The following IL23R variants were observed in gnomAD, a reference collection of about 807,000 sequenced individuals.
IL23R encodes the protein interleukin-23 receptor.
Under a neutral mutation model 56.9 loss-of-function variants are expected in IL23R, and 34 were observed. The ratio of observed to expected loss-of-function variants is 0.60; its 90% confidence interval spans 0.45 to 0.80. The LOEUF is 0.80. Among genes scored for constraint, IL23R ranks in the 30% least tolerant of loss-of-function variants. The pLI is 0.00. For synonymous variants in IL23R, 230 were observed against 249.2 expected, an observed-to-expected ratio of 0.92 and a Z score of 0.73; for missense variants, 635 against 730.0, an observed-to-expected ratio of 0.87 and a Z score of 1.50.
intron 4 of IL23R, among the ~76,000 whole-genome samples, chr1:67,196,478 T>A (rs553123675): frequency 3.9e-5 from 6 of 152,314 alleles, no homozygotes; most frequent in African/African-American, 1.4e-4. Context: ...AAGTCAAGGC[T>A]GCAGTGAGTT....
intron 9 of IL23R, among the ~76,000 whole-genome samples, chr1:67,240,545 T>C (rs1651779930): frequency 6.6e-6 from 1 of 152,180 alleles, no homozygotes; most frequent in South Asian, 2.1e-4. Flanking sequence ...AGAGGCTAAG[T>C]CCTCAGCCCA....
chr1:67,175,521 A>C (rs981281115), intron 3 of IL23R, among the ~76,000 whole-genome samples: 8 of 152,182 alleles, frequency 5.3e-5, no homozygotes, highest in Admixed American at 5.2e-4. Flanking sequence ...AAGCCCCAGC[A>C]ACTGCCATTC....
At chr1:67,157,900 G>A (rs1369303048) in intron 1 of IL23R, among the ~76,000 whole-genome samples, 2 of 152,152 alleles carry the variant, frequency 1.3e-5, no homozygotes, top group Admixed American at 6.5e-5. Context: ...AATAATTATT[G>A]GAACATATTA....
intron 6 of IL23R, among the ~76,000 whole-genome samples, chr1:67,208,523 G>A (rs1649237042): frequency 6.6e-6 from 1 of 152,214 alleles, no homozygotes; most frequent in Admixed American, 6.5e-5. Context: ...GGCTCAAAGG[G>A]CCAACATCCA....
At chr1:67,197,805 G>T (rs1188824813) in intron 4 of IL23R, among the ~76,000 whole-genome samples, 1 of 152,042 alleles carries the variant, frequency 6.6e-6, no homozygotes, top group East Asian at 1.9e-4. Flanking sequence ...GAGTGGTGGT[G>T]CATGCCTGTA....
chr1:67,212,913 GCC>G (rs1649590606), intron 6 of IL23R, among the ~76,000 whole-genome samples: 1 of 151,046 alleles, frequency 6.6e-6, no homozygotes, highest in Admixed American at 6.6e-5. Context: ...TCACTGTGTT[GCC>G]CAGGCTGGAG....
At chr1:67,188,412 C>G (rs1647504704) in intron 4 of IL23R, among the ~76,000 whole-genome samples, 1 of 152,196 alleles carries the variant, frequency 6.6e-6, no homozygotes, top group South Asian at 2.1e-4. Context: ...GAGTTGGATA[C>G]CGTCATCCAA....
At chr1:67,142,196 A>T (rs1289648893) in intron 1 of IL23R, among the ~76,000 whole-genome samples, 1 of 152,228 alleles carries the variant, frequency 6.6e-6, no homozygotes, top group African/African-American at 2.4e-5. Context: ...TTTCACTTAC[A>T]CATTTTAAAA....
intron 1 of IL23R, among the ~76,000 whole-genome samples, chr1:67,140,334 G>A (rs1646625026): frequency 6.6e-6 from 1 of 152,146 alleles, no homozygotes; most frequent in African/African-American, 2.4e-5. Context: ...TTGGAAATGT[G>A]TATAAACAAA....
chr1:67,225,012 A>G (rs1194453278), intron 7 of IL23R, among the ~76,000 whole-genome samples: 1 of 152,210 alleles, frequency 6.6e-6, no homozygotes, highest in East Asian at 1.9e-4. Flanking sequence ...GCTGGTAAAC[A>G]GTAGAGCCAG....
chr1:67,216,994 G>A (rs1405047022), intron 6 of IL23R, among the ~76,000 whole-genome samples: 1 of 152,232 alleles, frequency 6.6e-6, no homozygotes, highest in Admixed American at 6.5e-5. Context: ...CAAGGGTTTA[G>A]ACACTGGTGG....
At chr1:67,138,929 A>C (rs575000038) in exon 1 of IL23R, 2 of 152,542 alleles carry the variant, frequency 1.3e-5, no homozygotes, top group South Asian at 4.1e-4. Context: ...GTCAGGGCCC[A>C]GACAATTTTA....
intron 7 of IL23R, among the ~76,000 whole-genome samples, chr1:67,222,983 G>A (rs1208143753): frequency 6.6e-6 from 1 of 152,118 alleles, no homozygotes; most frequent in Non-Finnish European, 1.5e-5. Context: ...GCGAGGTGTG[G>A]TGGCTCATGC....
At position 67,169,725 on chromosome 1, in the gene IL23R, A is replaced by G. The variant is rs1283816812; in HGVS notation, c.367+87A>G. The stretch of plus-strand genomic sequence containing the variant: ...ACCACACTAGTCTAAAAATAGGGAC[A>G]AAATAATATAGTTCAGTTTTTAGAT... On this transcript the variant is annotated intron_variant, in intron 3 of 10. Transcript: ENST00000347310. 5.8e-6 allele frequency: 7 copies of G among 1,210,960 alleles called. No homozygotes were observed. In the African/African-American group the frequency reaches 1.0e-4, roughly 18 times the overall value. The allele number at this position is 1,210,960 out of a possible 1,614,324, so 75.0% of individuals were successfully genotyped here. A position where few individuals can be genotyped will look rare whatever the true frequency, so the allele number is the denominator to read the frequency against.
chr1:67,139,562 A>T lies in IL23R; in HGVS notation c.-634+401A>T, dbSNP rs75185926. On this transcript the variant is annotated intron_variant, in intron 1 of 10. Transcript: ENST00000637002. The stretch of plus-strand genomic sequence containing the variant: ...TCTTTTTCTTCTATTAAAGACCACA[A>T]CTTAATATTTACTTATGTTTTTAAA... Among the ~76,000 whole-genome samples the T allele has an allele frequency of 2.7e-3, 414 of 152,290 alleles. 1 individual carries two copies. The highest frequency in any genetic ancestry group is 9.6e-3 in the African/African-American group (397 of 41,560).
intron 6 of IL23R, among the ~76,000 whole-genome samples, chr1:67,219,028 A>T (rs1355777125): frequency 6.6e-6 from 1 of 151,934 alleles, no homozygotes; most frequent in Non-Finnish European, 1.5e-5. Flanking sequence ...CATATATATA[A>T]TATCACATTT....
chr1:67,163,864 T>G (rs1380728853), upstream of IL23R, among the ~76,000 whole-genome samples: 1 of 152,144 alleles, frequency 6.6e-6, no homozygotes, highest in African/African-American at 2.4e-5. Flanking sequence ...AATTACCAAG[T>G]CTCAGTTATT....
At chr1:67,234,756 G>T (rs112949081) in intron 7 of IL23R, among the ~76,000 whole-genome samples, 30,289 of 133,032 alleles carry the variant, frequency 0.23, 3,534 homozygotes, top group Middle Eastern at 0.28. Flanking sequence ...TGCCCAGGCT[G>T]GAGTGCAGTG....
At chr1:67,157,289 A>T (rs546931808) in intron 1 of IL23R, among the ~76,000 whole-genome samples, 1 of 152,344 alleles carries the variant, frequency 6.6e-6, no homozygotes, top group African/African-American at 2.4e-5. Flanking sequence ...GTTCCAAAAC[A>T]AATTATTCAT....
Sources: allele counts gnomAD v4.1 joint callset (sites outside exome capture counted in the v4.1 genomes callset), GRCh38; gene constraint gnomAD v4.1.1; transcripts MANE v1.5; gene names NCBI Gene and HGNC (gene_info 2026-07-23, HGNC 2026-07-21).